COL22A1: variants seen among roughly 807,000 people sequenced by gnomAD.
COL22A1 encodes collagen type XXII alpha 1 chain, also known as collagen alpha-1(XXII) chain.
COL22A1 carries 221 observed loss-of-function variants against 248.9 expected under a neutral mutation model. The ratio of observed to expected loss-of-function variants is 0.89; its 90% CI spans 0.80 to 0.99. The LOEUF (loss-of-function observed/expected upper bound fraction) is 0.99, where lower values mean the gene tolerates loss of function less well. Ranked by LOEUF, COL22A1 falls within the 50% of genes least tolerant of loss-of-function variation. COL22A1 has a pLI of 0.00. For synonymous variants in COL22A1, 891 were observed against 793.4 expected (o/e 1.12, Z -2.07); for missense variants, 2,240 against 2,179.0 (o/e 1.03, Z -0.56).
intron 10 of COL22A1, among the ~76,000 whole-genome samples, chr8:138,805,685 GTGTT>G (rs1436391996): frequency 6.8e-6 from 1 of 147,338 alleles, no homozygotes; most frequent in Non-Finnish European, 1.5e-5. Flanking sequence ...GTGATGGTAT[GTGTT>G]TGTGATGGTG....
At chr8:138,590,306 C>T (rs577250341) in intron 64 of COL22A1, among the ~76,000 whole-genome samples, 2 of 152,188 alleles carry the variant, frequency 1.3e-5, no homozygotes, top group South Asian at 4.1e-4. Context: ...TCTATTAATG[C>T]TTTGGTAATA....
At chr8:138,613,815 G>A (rs1009666765) in intron 56 of COL22A1, 52 bp downstream of exon 56, 5 of 1,465,466 alleles carry the variant, frequency 3.4e-6, no homozygotes, top group South Asian at 1.1e-5. Context: ...TATCATTGTG[G>A]TAAAAGGTCC....
At chr8:138,692,258 G>GCGTGCATGTATGCATGTT (rs1564201694) in intron 35 of COL22A1, among the ~76,000 whole-genome samples, 114 of 27,852 alleles carry the variant, frequency 4.1e-3, no homozygotes, top group South Asian at 0.018. Context: ...GTATGTGTGC[G>GCGTGCATGTATGCATGTT]TGTGTGCATG....
chr8:138,874,304 T>C (rs1459013284), intron 3 of COL22A1, among the ~76,000 whole-genome samples: 2 of 152,196 alleles, frequency 1.3e-5, no homozygotes, highest in East Asian at 3.9e-4. Flanking sequence ...GAGCTTTTCT[T>C]GACGTGATCA....
chr8:138,664,200 C>CGCGT (rs1451498822), intron 41 of COL22A1, among the ~76,000 whole-genome samples: 6 of 86,024 alleles, frequency 7.0e-5, no homozygotes, highest in Non-Finnish European at 1.2e-4. Context: ...GGGGTGCGCG[C>CGCGT]GCGCGCGCGC....
chr8:138,732,797 T>G (rs370939392), intron 23 of COL22A1, among the ~76,000 whole-genome samples: 2 of 152,356 alleles, frequency 1.3e-5, no homozygotes, highest in South Asian at 4.1e-4. Context: ...CTATTTAATA[T>G]GATTAGTAGT....
chr8:138,771,533 C>T (rs1834365949), intron 16 of COL22A1, among the ~76,000 whole-genome samples: 1 of 152,188 alleles, frequency 6.6e-6, no homozygotes, highest in African/African-American at 2.4e-5. Context: ...TGTTCCTTGA[C>T]TGAACAAAAG....
intron 35 of COL22A1, among the ~76,000 whole-genome samples, chr8:138,692,531 G>C (rs964820442): frequency 1.3e-4 from 20 of 150,370 alleles, no homozygotes; most frequent in Non-Finnish European, 2.8e-4. Flanking sequence ...TGGAAAATCA[G>C]GTAAGAAGTG....
At chr8:138,843,318 C>T (rs1214555872) in intron 4 of COL22A1, among the ~76,000 whole-genome samples, 1 of 152,090 alleles carries the variant, frequency 6.6e-6, no homozygotes, top group Admixed American at 6.5e-5. Context: ...CACATGGCTC[C>T]CTGCTAGGAT....
At chr8:138,685,418 A>G (rs1359396910) in intron 37 of COL22A1, 106 bp from the exon 38 acceptor site, 4 of 850,592 alleles carry the variant, frequency 4.7e-6, no homozygotes, top group Non-Finnish European at 7.6e-6. Context: ...GGCTGCCTTT[A>G]TGATTTTAGA....
intron 12 of COL22A1, among the ~76,000 whole-genome samples, chr8:138,789,382 C>T (rs1815833086): frequency 6.6e-6 from 1 of 152,130 alleles, no homozygotes. Flanking sequence ...CACAGTTATC[C>T]AACTCGATAA....
chr8:138,619,935 T>C (rs1482095016), intron 52 of COL22A1: 2 of 184,604 alleles, frequency 1.1e-5, no homozygotes, highest in Non-Finnish European at 2.3e-5. Flanking sequence ...AGGTATTAAA[T>C]AGCAAAGCCA....
At chr8:138,902,029 C>T (rs977085950) in intron 1 of COL22A1, among the ~76,000 whole-genome samples, 2 of 152,028 alleles carry the variant, frequency 1.3e-5, no homozygotes, top group Admixed American at 1.3e-4. Flanking sequence ...GATAACTGCA[C>T]AAATAGGAGA....
In COL22A1 at chr8:138,778,336, C is replaced by G; in HGVS notation, c.1758+17G>C. 6.2e-7 allele frequency: 1 copy of G among 1,614,108 alleles called. No individual in the cohort carries two copies. Among genetic ancestry groups the G allele is most frequent in the South Asian group, 1.1e-5 (1 of 91,054 alleles). ...AGAAGGGGTAGAACCCCTGCCCAGA[C>G]AAGTGCCTTCACTTACAGGAGCTCC... On this transcript the variant is annotated intron_variant, in intron 15 of 64. Coordinates refer to ENST00000303045, the MANE Select transcript of COL22A1 (RefSeq NM_152888.3).
At chr8:138,725,024 G>T (rs112242551) in intron 24 of COL22A1, among the ~76,000 whole-genome samples, 160 of 152,322 alleles carry the variant, frequency 1.1e-3, no homozygotes, top group African/African-American at 3.6e-3. Flanking sequence ...AGCCCCAAAA[G>T]ATGGGAGGGG....
intron 9 of COL22A1, among the ~76,000 whole-genome samples, chr8:138,811,328 TAC>T (rs1333835546): frequency 6.9e-6 from 1 of 144,956 alleles, no homozygotes; most frequent in African/African-American, 2.6e-5. Context: ...CACACATATA[TAC>T]ACACACGTAC....
At chr8:138,811,266 T>C (rs1248964581) in intron 9 of COL22A1, among the ~76,000 whole-genome samples, 1 of 108,884 alleles carries the variant, frequency 9.2e-6, no homozygotes, top group African/African-American at 3.0e-5. Context: ...TCTACATATA[T>C]ATATATACAC....
chr8:138,802,095 C>T (rs576050626), intron 11 of COL22A1, among the ~76,000 whole-genome samples: 3 of 152,216 alleles, frequency 2.0e-5, no homozygotes, highest in South Asian at 2.1e-4. Flanking sequence ...TTTATTTAAT[C>T]TTCATAATGC....
intron 32 of COL22A1, among the ~76,000 whole-genome samples, chr8:138,696,499 C>G (rs1827514576): frequency 6.6e-6 from 1 of 152,206 alleles, no homozygotes; most frequent in Non-Finnish European, 1.5e-5. Context: ...TAGAAAGACA[C>G]TATCTACTAA....
Sources: gnomAD v4.1 joint callset for allele counts (sites outside exome capture counted in the v4.1 genomes callset) on GRCh38, gnomAD v4.1.1 for gene constraint, MANE v1.5 for transcripts, NCBI Gene and HGNC (gene_info 2026-07-23, HGNC 2026-07-21) for gene names.